Variants in CSGALNACT1 observed in about 807,000 individuals in gnomAD.
The protein encoded by CSGALNACT1 is beta4GalNAcT-1.
In CSGALNACT1, 52 loss-of-function variants were observed where a neutral mutation model predicts 51.0. The ratio of observed to expected loss-of-function variants is 1.02; its 90% CI spans 0.82 to 1.29. The LOEUF is 1.29. Among genes scored for constraint, CSGALNACT1 ranks in the 50% most tolerant of loss-of-function variants. CSGALNACT1 has a pLI of 0.00. For missense variants in CSGALNACT1, 935 were observed against 679.2 expected (o/e 1.38, Z -4.19); for synonymous variants, 341 against 254.4 (o/e 1.34, Z -3.24).
At chr8:19,424,889 G>A (rs147308879) in intron 6 of CSGALNACT1, among the ~76,000 whole-genome samples, 188 of 152,334 alleles carry the variant, frequency 1.2e-3, no homozygotes, top group African/African-American at 4.2e-3. Context: ...GACTGTAGTG[G>A]TTGCCAGGCA....
At position 19,414,593 on chromosome 8, in the gene CSGALNACT1, A is replaced by G. The variant is rs563985944; in HGVS notation, c.1227+4063T>C. Reference sequence around the variant, plus strand: ...AAAAAACAGTAGTCAAAACACACACATACACACACACACACACACACACTA... The same window carrying G: ...AAAAAACAGTAGTCAAAACACACACGTACACACACACACACACACACACTA... On this transcript the variant is annotated intron_variant, in intron 8 of 9. Coordinates refer to ENST00000454498, the Ensembl canonical transcript of CSGALNACT1. 1.3e-4 allele frequency among the ~76,000 whole-genome samples: 3 copies of G among 22,254 alleles called. No homozygotes were observed. The Admixed American group carries it at 2.2e-3, about 16-fold the overall frequency. 14.6% of individuals were successfully genotyped at this position (22,254 alleles called of 152,430 possible).
At chr8:19,482,430 A>C (rs977513508) in intron 4 of CSGALNACT1, among the ~76,000 whole-genome samples, 1 of 151,960 alleles carries the variant, frequency 6.6e-6, no homozygotes, top group Admixed American at 6.6e-5. Flanking sequence ...CTACCACTCC[A>C]CTGATGATGT....
At chr8:19,746,096 G>A (rs1163385274) in intron 1 of CSGALNACT1, among the ~76,000 whole-genome samples, 3 of 152,126 alleles carry the variant, frequency 2.0e-5, no homozygotes, top group Admixed American at 6.6e-5. Context: ...AGTTTCTTAA[G>A]TTTTCTATGT....
At chr8:19,446,815 G>A (rs2062203561) in intron 5 of CSGALNACT1, among the ~76,000 whole-genome samples, 1 of 151,996 alleles carries the variant, frequency 6.6e-6, no homozygotes, top group South Asian at 2.1e-4. Context: ...TGTCCGGCCT[G>A]AATATTCTGT....
intron 2 of CSGALNACT1, among the ~76,000 whole-genome samples, chr8:19,598,651 G>C (rs1385558945): frequency 6.6e-6 from 1 of 152,164 alleles, no homozygotes; most frequent in Non-Finnish European, 1.5e-5. Context: ...GGGCCTATAA[G>C]CTTATGTGTC....
intron 2 of CSGALNACT1, among the ~76,000 whole-genome samples, chr8:19,599,129 C>T (rs1311398853): frequency 2.7e-5 from 4 of 149,630 alleles, no homozygotes; most frequent in South Asian, 4.3e-4. Context: ...AAGCACAGGT[C>T]GGGGAGGGGG....
chr8:19,654,594 G>C (rs999381465), intron 1 of CSGALNACT1, among the ~76,000 whole-genome samples: 5 of 152,090 alleles, frequency 3.3e-5, no homozygotes, highest in African/African-American at 1.2e-4. Flanking sequence ...ACTCAGGCTG[G>C]AGTGCAGTGT....
At chr8:19,439,632 T>C (rs1019717415) in intron 6 of CSGALNACT1, among the ~76,000 whole-genome samples, 198 bp downstream of exon 5, 24 of 152,214 alleles carry the variant, frequency 1.6e-4, no homozygotes, top group East Asian at 3.8e-4. Context: ...CCCATGCACA[T>C]TGAAAACCAG....
At chr8:19,660,249 A>G (rs897794121) in intron 1 of CSGALNACT1, among the ~76,000 whole-genome samples, 1 of 152,228 alleles carries the variant, frequency 6.6e-6, no homozygotes, top group African/African-American at 2.4e-5. Context: ...TGCCTCACCA[A>G]AAAAGATGAG....
intron 8 of CSGALNACT1, among the ~76,000 whole-genome samples, chr8:19,416,360 G>A (rs1370799954): frequency 6.6e-6 from 1 of 152,048 alleles, no homozygotes; most frequent in East Asian, 1.9e-4. Flanking sequence ...TGATTCACCT[G>A]CTTCGGCCTC....
At chr8:19,590,450 A>C (rs922038690) in intron 3 of CSGALNACT1, among the ~76,000 whole-genome samples, 16 of 152,176 alleles carry the variant, frequency 1.1e-4, no homozygotes, top group Non-Finnish European at 2.1e-4. Context: ...TTGCTGCACA[A>C]AATGAGGTGG....
intron 1 of CSGALNACT1, among the ~76,000 whole-genome samples, chr8:19,610,657 C>A (rs376152383): frequency 4.6e-5 from 7 of 152,232 alleles, no homozygotes; most frequent in African/African-American, 1.7e-4. Context: ...AAGCCCAGGC[C>A]ACCGAGTGGC....
chr8:19,747,806 A>T lies in CSGALNACT1; in HGVS notation c.-297+10044T>A, dbSNP rs2064774667. 2.0e-5 allele frequency among the ~76,000 whole-genome samples: 3 copies of T among 149,766 alleles called. No individual in the cohort carries two copies. The South Asian group carries it at 6.5e-4, about 33-fold the overall frequency. ...GAAACTTGTCTACACCTCCAACTGG[A>T]GGAGAAGTAAAAAAAAAAAGAAAAG... On this transcript the variant is annotated intron_variant, in intron 1 of 1. Transcript: ENST00000517494.
rs756932638 is a variant in CSGALNACT1, at chr8:19,404,904, G to T, written c.*876C>A. ...TACTCTTCAGAGAAAGTATCTGTAC[G>T]TCTGTATTAGTACAAACCATTCCTT... On this transcript the variant is annotated 3_prime_UTR_variant, in exon 10 of 10. Coordinates refer to ENST00000454498, the Ensembl canonical transcript of CSGALNACT1. The T allele has an allele frequency of 9.7e-5, 44 of 454,274 alleles. No individual in the cohort carries two copies. The East Asian group carries it at 2.8e-3, about 29-fold the overall frequency. 28.1% of individuals were successfully genotyped at this position (454,274 alleles called of 1,614,324 possible).
chr8:19,432,327 T>C (rs535009965), intron 6 of CSGALNACT1, among the ~76,000 whole-genome samples: 4 of 152,330 alleles, frequency 2.6e-5, no homozygotes, highest in Admixed American at 2.0e-4. Context: ...CTATTAATCT[T>C]ATCAAGGATC....
intron 1 of CSGALNACT1, among the ~76,000 whole-genome samples, chr8:19,709,933 G>T (rs1311790675): frequency 6.6e-6 from 1 of 152,146 alleles, no homozygotes; most frequent in Non-Finnish European, 1.5e-5. Flanking sequence ...TCTGCAACCA[G>T]ACCAGATGCA....
chr8:19,675,350 A>C lies in CSGALNACT1; in HGVS notation c.-544+7123T>G, dbSNP rs534268553. On this transcript the variant is annotated intron_variant, in intron 1 of 9. Coordinates refer to the CSGALNACT1 transcript ENST00000332246. ...CCTACTTCTCTAACGGCCTTGCCCC[A>C]AGGGTGGGCACCAGTCACAGAGGTC... Among the ~76,000 whole-genome samples, 36 of 152,294 alleles carry C rather than the reference A, an allele frequency of 2.4e-4. 1 individual carries two copies. The East Asian group carries it at 6.7e-3, about 29-fold the overall frequency.
upstream of CSGALNACT1, among the ~76,000 whole-genome samples, chr8:19,603,464 C>T (rs1476228926): frequency 6.6e-6 from 1 of 152,240 alleles, no homozygotes; most frequent in Non-Finnish European, 1.5e-5. Flanking sequence ...CCACCACCCA[C>T]TTCCGCCTCT....
rs865931177 is a variant in CSGALNACT1, at chr8:19,465,483, G to A, written c.635-6841C>T. Among the ~76,000 whole-genome samples the A allele has an allele frequency of 2.0e-5, 3 of 152,176 alleles. No homozygotes were observed. The South Asian group carries it at 6.2e-4, about 31-fold the overall frequency. ...GCCACTGAACTGTCCACTAAAAAAT[G>A]CTTTAAATGGTGAATGCTATACGTA... On this transcript the variant is annotated intron_variant, in intron 4 of 9. Coordinates refer to ENST00000454498, the Ensembl canonical transcript of CSGALNACT1.
Sources: gnomAD v4.1 joint callset for allele counts (sites outside exome capture counted in the v4.1 genomes callset) on GRCh38, gnomAD v4.1.1 for gene constraint, MANE v1.5 for transcripts, NCBI Gene and HGNC (gene_info 2026-07-23, HGNC 2026-07-21) for gene names.